Variants in RASGRP4 observed in about 807,000 individuals in gnomAD.
The protein encoded by RASGRP4 is RAS guanyl-releasing protein 4.
A neutral mutation model predicts 84.4 loss-of-function variants in RASGRP4; 52 were observed. The ratio of observed to expected loss-of-function variants is 0.62; its 90% CI spans 0.49 to 0.78. The LOEUF is 0.78. RASGRP4 is among the 30% of genes least tolerant of loss of function. The pLI is 0.00. For missense variants in RASGRP4, 760 were observed against 886.9 expected, an observed-to-expected ratio of 0.86 and a Z score of 1.82; for synonymous variants, 356 against 359.1, an observed-to-expected ratio of 0.99 and a Z score of 0.10.
rs1355391964 is a variant in RASGRP4, at chr19:38,412,431, G to T, written c.1680+241C>A. 7.8e-6 allele frequency: 4 copies of T among 512,358 alleles called. No individual in the cohort carries two copies. The highest frequency in any genetic ancestry group is 1.4e-5 in the Non-Finnish European group (4 of 288,854). 31.7% of individuals were successfully genotyped at this position (512,358 alleles called of 1,614,324 possible). ...GCCACCACTCCTGGCCTCCTATCTA[G>T]AGTTTTAGGTATTATCCATGGTTCA... On this transcript the variant is annotated intron_variant, in intron 13 of 16. Transcript: ENST00000615439. This position sits in a 1 kb window ranked among gnomAD's most constrained non-coding sequence, Gnocchi z 4.6.
At position 38,418,308 on chromosome 19, in the gene RASGRP4, C is replaced by G. The variant is rs142447161; in HGVS notation, c.837+83G>C. The G allele has an allele frequency of 1.5e-3, 2,153 of 1,424,070 alleles. 20 individuals are homozygous for G. The African/African-American group carries it at 0.024, about 16-fold the overall frequency. 88.2% of individuals were successfully genotyped at this position (1,424,070 alleles called of 1,614,324 possible). On this transcript the variant is annotated intron_variant, in intron 7 of 16. Coordinates refer to ENST00000615439, the MANE Select transcript of RASGRP4 (RefSeq NM_170604.3). This position sits in a 1 kb window ranked among gnomAD's most constrained non-coding sequence, Gnocchi z 4.6. ...ATGCGTGACGTCACCGCCGGGATGACCCTGTGGGGTCGAGGGTCTGGAAGG... is the reference window on the plus strand; with the variant it reads ...ATGCGTGACGTCACCGCCGGGATGAGCCTGTGGGGTCGAGGGTCTGGAAGG...
Position 38,413,198 on chromosome 19 carries a change from C to T in RASGRP4, c.1411G>A (p.Val471Met), listed in dbSNP as rs757945897. ...GGCCACCCTCCCCTCCTTACCTCCA[C>T]CAGCTGCTCCACATGCCGACCCAGT... ...VTLGRHVEQL[V>M]ESVFKNYDPE... The change falls in exon 11 of 17, where the codon GTG (valine) becomes ATG (methionine). Residue 471 changes from valine (V) to methionine (M), a missense_variant. By Grantham distance (21) the Val-to-Met change is conservative. Coordinates refer to ENST00000615439, the MANE Select transcript of RASGRP4 (RefSeq NM_170604.3). This position sits in a 1 kb window ranked among gnomAD's most constrained non-coding sequence, Gnocchi z 4.7. 6.2e-7 allele frequency: 1 copy of T among 1,613,278 alleles called. No homozygotes were observed. Among genetic ancestry groups the T allele is most frequent in the Non-Finnish European group, 8.5e-7 (1 of 1,179,668 alleles).
intron 2 of RASGRP4, 140 bp from the exon 3 acceptor site, chr19:38,421,340 C>T (rs1277988742): frequency 4.7e-6 from 3 of 640,518 alleles, no homozygotes; most frequent in Non-Finnish European, 8.4e-6. Context: ...GGCAACCTAA[C>T]CTCCTGTGCC....
Position 38,413,138 on chromosome 19 carries a change from C to A in RASGRP4, c.1416+55G>T. On this transcript the variant is annotated intron_variant, in intron 11 of 16. Coordinates refer to ENST00000615439, the MANE Select transcript of RASGRP4 (RefSeq NM_170604.3). The surrounding 1 kb of genome is among the most constrained non-coding windows in gnomAD (Gnocchi z 4.7). ...AGTCCCCACCTCCAGGCTCAGGGTT[C>A]TACAGATGTCTTCCCTCCTGGCTGC... is the stretch of plus-strand genomic sequence containing the variant. The A allele has an allele frequency of 3.2e-6, 5 of 1,583,898 alleles. No individual in the cohort carries two copies. Among genetic ancestry groups the A allele is most frequent in the Non-Finnish European group, 4.3e-6 (5 of 1,153,194 alleles).
At chr19:38,411,064 A>C in intron 15 of RASGRP4, 51 bp downstream of exon 15, 1 of 1,609,876 alleles carries the variant, frequency 6.2e-7, no homozygotes. Context: ...CCTTGGACTC[A>C]ACCCCTTTCC....
In RASGRP4 at chr19:38,413,031, C is replaced by T. The variant is rs767617354; in HGVS notation, c.1435G>A (p.Asp479Asn). The part of the protein sequence containing the change: ...QLVESVFKNY[D>N]PEGRGTISQE... The stretch of plus-strand genomic sequence containing the variant: ...GAGATTGTTCCTCGGCCTTCAGGGT[C>T]ATAATTCTTGAACACAGACTTCAGA... Residue 479 changes from aspartate (D) to asparagine (N), a missense_variant, in exon 12 of 17, where the codon GAC becomes AAC. Asp to Asn is a conservative substitution (Grantham distance 23). Transcript: ENST00000615439. This position sits in a 1 kb window ranked among gnomAD's most constrained non-coding sequence, Gnocchi z 4.7. 6.2e-7 allele frequency: 1 copy of T among 1,613,934 alleles called. No individual in the cohort carries two copies. The highest frequency in any genetic ancestry group is 1.3e-5 in the African/African-American group (1 of 75,042).
chr19:38,420,496 T>G (rs1971697356), intron 4 of RASGRP4, among the ~76,000 whole-genome samples: 2 of 150,964 alleles, frequency 1.3e-5, no homozygotes, highest in Admixed American at 1.3e-4. Context: ...GGGGAGTCAC[T>G]TGGAAGTGGG....
rs1283936246 is a variant in RASGRP4 at position 38,410,886 on chromosome 19, C to G, written c.1965G>C (p.Thr655=). Residue 655 remains threonine, a splice_region_variant and synonymous_variant, in exon 16 of 17, where the codon ACG becomes ACC. Coordinates refer to ENST00000615439, the MANE Select transcript of RASGRP4 (RefSeq NM_170604.3). ...ESPHPSWETD[T]VPCPVMDPPS... ...GGGGGTAGGGGCGGTTTCTCCTCAC[C>G]GTATCTGTTTCCCAGGAAGGGTGTG... 1.9e-6 allele frequency: 3 copies of G among 1,588,754 alleles called. No individual in the cohort carries two copies. The highest frequency in any genetic ancestry group is 1.7e-6 in the Non-Finnish European group (2 of 1,167,214).
chr19:38,421,664 A>T (rs1315630726), intron 2 of RASGRP4, among the ~76,000 whole-genome samples: 1 of 152,008 alleles, frequency 6.6e-6, no homozygotes, highest in Non-Finnish European at 1.5e-5. Context: ...GTGAGCTGAG[A>T]TCAGGCCACT....
chr19:38,425,592 C>T (rs74515497), intron 1 of RASGRP4, among the ~76,000 whole-genome samples: 6,841 of 152,216 alleles, frequency 0.045, 491 homozygotes, highest in African/African-American at 0.16. Flanking sequence ...GAAGCCCATT[C>T]CAGAACCGGC....
rs1394114891 is a variant in RASGRP4, at chr19:38,417,284, TCAGA to T, written c.838-120_838-117del. Reference sequence around the variant, plus strand: ...AGGCATGTGTGGACCAATGTGGGGATCAGACAGGTGAGAGAAGGCGGGTGTGTGC... The same window carrying T: ...AGGCATGTGTGGACCAATGTGGGGATCAGGTGAGAGAAGGCGGGTGTGTGC... On this transcript the variant is annotated intron_variant, in intron 7 of 16. Transcript: ENST00000615439. The surrounding 1 kb of genome is among the most constrained non-coding windows in gnomAD (Gnocchi z 5.1). The T allele has an allele frequency of 1.4e-6, 1 of 700,306 alleles. No individual in the cohort carries two copies. Among genetic ancestry groups the T allele is most frequent in the Non-Finnish European group, 2.6e-6 (1 of 387,964 alleles). The allele number at this position is 700,306 out of a possible 1,614,324, so 43.4% of individuals were successfully genotyped here.
Position 38,409,976 on chromosome 19 carries a change from C to G in RASGRP4, c.*64G>C. On this transcript the variant is annotated 3_prime_UTR_variant, in exon 17 of 17. Transcript: ENST00000615439. ...CTACCTCTGGGAGCCCTGCCAGAGT[C>G]TGACGGCAGGACTCAGGACTGACTG... is the stretch of plus-strand genomic sequence containing the variant. 7.3e-7 allele frequency: 1 copy of G among 1,378,754 alleles called. No individual in the cohort carries two copies. The highest frequency in any genetic ancestry group is 1.0e-6 in the Non-Finnish European group (1 of 996,702). 85.4% of individuals were successfully genotyped at this position (1,378,754 alleles called of 1,614,324 possible). A position where few individuals can be genotyped will look rare whatever the true frequency, so the allele number is the denominator to read the frequency against.
chr19:38,420,354 G>GC, intron 4 of RASGRP4, 92 bp from the exon 5 acceptor site: 1 of 1,414,680 alleles, frequency 7.1e-7, no homozygotes, highest in East Asian at 2.4e-5. Flanking sequence ...TAGGTGCTGA[G>GC]CTAGGGGGTC....
chr19:38,418,340 A>G lies in RASGRP4; in HGVS notation c.837+51T>C. The G allele has an allele frequency of 6.4e-7, 1 of 1,553,968 alleles. No individual in the cohort carries two copies. The highest frequency in any genetic ancestry group is 8.7e-7 in the Non-Finnish European group (1 of 1,144,916). On this transcript the variant is annotated intron_variant, in intron 7 of 16. Transcript: ENST00000615439. This position sits in a 1 kb window ranked among gnomAD's most constrained non-coding sequence, Gnocchi z 4.6. ...GGGTCGAGGGTCTGGAAGGGGAAGG[A>G]CCAGGTGGCTGCGTGCAGTGGAGTT...
At position 38,421,135 on chromosome 19, in the gene RASGRP4, C is replaced by A. The variant is rs1971729961; in HGVS notation, c.274G>T (p.Val92Leu). The A allele has an allele frequency of 3.1e-6, 5 of 1,613,752 alleles. No homozygotes were observed. The African/African-American group carries it at 6.7e-5, about 22-fold the overall frequency. ...LNMVLAMHSW[V>L]LPSADLAARL... ...GCAGCCAGGTCGGCGGACGGCAGCA[C>A]CCAGCTGTGCATGGCCAGCACCATG... The change falls in exon 3 of 17, where the codon GTG (valine) becomes TTG (leucine). Residue 92 changes from valine (V) to leucine (L), a missense_variant. Transcript: ENST00000615439.
rs565581072 is a variant in RASGRP4, at chr19:38,422,665, T to C, written c.24-512A>G. On this transcript the variant is annotated intron_variant, in intron 1 of 16. Transcript: ENST00000615439. ...ATGATGCCTGATGCCTAATGCCTGA[T>C]GATCTGTCACTGTCTCTCATCACCC... Among the ~76,000 whole-genome samples, 4 of 152,238 alleles carry C rather than the reference T, an allele frequency of 2.6e-5. No individual in the cohort carries two copies. The East Asian group carries it at 7.7e-4, about 29-fold the overall frequency.
Position 38,421,150 on chromosome 19 carries a change from C to T in RASGRP4, c.259G>A (p.Ala87Thr). 6.2e-7 allele frequency: 1 copy of T among 1,613,868 alleles called. No individual in the cohort carries two copies. The highest frequency in any genetic ancestry group is 8.5e-7 in the Non-Finnish European group (1 of 1,179,844). Reference sequence around the variant, plus strand: ...GACGGCAGCACCCAGCTGTGCATGGCCAGCACCATGTTGAGCATGTGGTCC... The same window carrying T: ...GACGGCAGCACCCAGCTGTGCATGGTCAGCACCATGTTGAGCATGTGGTCC... ...HEDHMLNMVL[A>T]MHSWVLPSAD... The change falls in exon 3 of 17, where the codon GCC (alanine) becomes ACC (threonine). Residue 87 changes from alanine (A) to threonine (T), a missense_variant. By Grantham distance (58) the Ala-to-Thr change is moderately conservative. Transcript: ENST00000615439.
At position 38,420,248 on chromosome 19, in the gene RASGRP4, C is replaced by T. The variant is rs771740857; in HGVS notation, c.392G>A (p.Arg131Gln). The T allele has an allele frequency of 1.1e-5, 17 of 1,612,972 alleles. No individual in the cohort carries two copies. In the Middle Eastern group the frequency reaches 4.9e-4, roughly 47 times the overall value. ...ATCCTGGTGCATCACCTCAGGGTGTCGCATCAGCCAGTACCTGAGAGTGGT... is the reference window on the plus strand; with the variant it reads ...ATCCTGGTGCATCACCTCAGGGTGTTGCATCAGCCAGTACCTGAGAGTGGT... ...ICHLVRYWLM[R>Q]HPEVMHQDPQ... The change falls in exon 5 of 17, where the codon CGA becomes CAA. Residue 131 changes from arginine (R) to glutamine (Q), a missense_variant. Physicochemically the swap from Arg to Gln is conservative, Grantham distance 43 (BLOSUM62 1). Coordinates refer to ENST00000615439, the MANE Select transcript of RASGRP4 (RefSeq NM_170604.3).
chr19:38,419,941 G>A lies in RASGRP4; in HGVS notation c.582C>T (p.Ser194=), dbSNP rs1250798931. The A allele has an allele frequency of 1.9e-6, 3 of 1,613,958 alleles. No homozygotes were observed. The change falls in exon 6 of 17, where the codon TCC becomes TCT. Residue 194 remains serine (S), a synonymous_variant. Transcript: ENST00000615439. The part of the protein sequence containing the change: ...SPGLGKKRKV[S]LLFDHLETGE... ...CCGTCTCCAAGTGGTCGAAAAGCAA[G>A]GACACTTTGCGCTTTTTGCCCAGGC...
Sources: allele counts gnomAD v4.1 joint callset (sites outside exome capture counted in the v4.1 genomes callset), GRCh38; gene constraint gnomAD v4.1.1; non-coding constraint Gnocchi (gnomAD v3.1); transcripts MANE v1.5; gene names NCBI Gene and HGNC (gene_info 2026-07-23, HGNC 2026-07-21).